ASIC2: variants seen among roughly 807,000 people sequenced by gnomAD.
The protein encoded by ASIC2 is acid sensing ion channel subunit 2, also known as acid-sensing ion channel 2.
In ASIC2, 25 loss-of-function variants were observed where a neutral mutation model predicts 57.3. The observed-to-expected ratio is 0.44, with a 90% confidence interval of 0.32 to 0.61. The LOEUF (loss-of-function observed/expected upper bound fraction) is 0.61. Ranked by LOEUF, ASIC2 falls within the 20% of genes least tolerant of loss-of-function variation. The pLI is 0.06. For synonymous variants in ASIC2, 319 were observed against 307.5 expected (o/e 1.04, Z -0.39); for missense variants, 641 against 738.1 (o/e 0.87, Z 1.52).
intron 1 of ASIC2, among the ~76,000 whole-genome samples, chr17:33,940,109 T>C (rs573214933): frequency 1.6e-4 from 25 of 152,316 alleles, no homozygotes; most frequent in African/African-American, 5.3e-4. Context: ...AGGTAAGCCA[T>C]TGTCCAAGGT....
intron 1 of ASIC2, among the ~76,000 whole-genome samples, chr17:33,510,514 G>A (rs975596586): frequency 3.9e-5 from 6 of 151,940 alleles, no homozygotes; most frequent in African/African-American, 9.7e-5. Flanking sequence ...GTGTGGTGGT[G>A]CATGCCACAC....
intron 1 of ASIC2, among the ~76,000 whole-genome samples, chr17:33,177,320 C>A (rs1159364822): frequency 6.6e-6 from 1 of 152,118 alleles, no homozygotes; most frequent in East Asian, 1.9e-4. Context: ...AAGAGGAGCT[C>A]CTATATTACT....
chr17:33,650,618 A>G (rs750258976), intron 1 of ASIC2, among the ~76,000 whole-genome samples: 6 of 152,242 alleles, frequency 3.9e-5, no homozygotes, highest in Non-Finnish European at 8.8e-5. Flanking sequence ...TGGTATCTCC[A>G]TATTATAAAA....
chr17:33,779,054 C>G (rs539783395), intron 1 of ASIC2, among the ~76,000 whole-genome samples: 1 of 152,278 alleles, frequency 6.6e-6, no homozygotes, highest in African/African-American at 2.4e-5. Flanking sequence ...AAATCTGTTT[C>G]ATTGAGTCAA....
chr17:34,020,811 C>A (rs1907132095), intron 1 of ASIC2, among the ~76,000 whole-genome samples: 1 of 152,278 alleles, frequency 6.6e-6, no homozygotes, highest in Non-Finnish European at 1.5e-5. Flanking sequence ...ATCCTGAAAC[C>A]CTTACTGGAG....
At chr17:33,959,321 T>C (rs1460237782) in intron 1 of ASIC2, among the ~76,000 whole-genome samples, 1 of 152,186 alleles carries the variant, frequency 6.6e-6, no homozygotes, top group African/African-American at 2.4e-5. Context: ...CTACTCCTGG[T>C]ACCAATTTAC....
intron 1 of ASIC2, among the ~76,000 whole-genome samples, chr17:33,239,262 G>A (rs1045576574): frequency 3.9e-5 from 6 of 152,064 alleles, no homozygotes; most frequent in Non-Finnish European, 5.9e-5. Context: ...CTGCACTCCA[G>A]CCTGGGCAAC....
rs904802959 is a variant in ASIC2, at chr17:33,347,891, C to T, written c.556-235824G>A. ...CCGAGATGGGTGGATCACTTGAGGC[C>T]GGGAGTTCAAGACCAGCCTGGCCAA... On this transcript the variant is annotated intron_variant, in intron 1 of 9. Transcript: ENST00000359872. Among the ~76,000 whole-genome samples the T allele has an allele frequency of 6.6e-5, 10 of 152,152 alleles. No homozygotes were observed. The East Asian group carries it at 7.7e-4, about 12-fold the overall frequency.
intron 1 of ASIC2, among the ~76,000 whole-genome samples, chr17:33,376,191 G>T (rs368936052): frequency 3.3e-5 from 5 of 152,238 alleles, no homozygotes; most frequent in African/African-American, 1.2e-4. Context: ...GAATCAATAT[G>T]ATTGAGAAGG....
chr17:33,899,506 T>C (rs1290993928), intron 1 of ASIC2, among the ~76,000 whole-genome samples: 1 of 152,116 alleles, frequency 6.6e-6, no homozygotes, highest in Non-Finnish European at 1.5e-5. Flanking sequence ...AGAGGCACTA[T>C]ACCTGAGCAA....
chr17:33,572,969 T>C (rs1916499502), intron 1 of ASIC2, among the ~76,000 whole-genome samples: 1 of 152,242 alleles, frequency 6.6e-6, no homozygotes, highest in Admixed American at 6.5e-5. Context: ...GCCTATCATA[T>C]TTTGGAGTTG....
chr17:34,047,350 A>T (rs1280943092), intron 1 of ASIC2, among the ~76,000 whole-genome samples: 1 of 152,024 alleles, frequency 6.6e-6, no homozygotes, highest in African/African-American at 2.4e-5. Context: ...CTACCGTGAC[A>T]TTCACCATAA....
intron 1 of ASIC2, among the ~76,000 whole-genome samples, chr17:33,826,452 G>A (rs1220398224): frequency 2.0e-5 from 3 of 152,152 alleles, no homozygotes; most frequent in East Asian, 1.9e-4. Flanking sequence ...GCGAGGTCCC[G>A]TGATCTCAGA....
At chr17:33,787,618 T>C (rs764764596) in intron 1 of ASIC2, among the ~76,000 whole-genome samples, 5 of 152,152 alleles carry the variant, frequency 3.3e-5, no homozygotes, top group Non-Finnish European at 7.4e-5. Context: ...GCCCTCAAAA[T>C]ATGTCCCAGC....
intron 1 of ASIC2, among the ~76,000 whole-genome samples, chr17:34,017,936 G>A (rs1907026635): frequency 6.6e-6 from 1 of 152,192 alleles, no homozygotes; most frequent in African/African-American, 2.4e-5. Context: ...TGGAAGTTGT[G>A]GCTAGTTATT....
intron 1 of ASIC2, among the ~76,000 whole-genome samples, chr17:33,678,435 C>A (rs1033679929): frequency 1.2e-4 from 17 of 139,504 alleles, no homozygotes; most frequent in Non-Finnish European, 1.9e-4. Flanking sequence ...CTGGTTCAAT[C>A]CACACACACA....
At chr17:33,967,898 A>C (rs1905119364) in intron 1 of ASIC2, among the ~76,000 whole-genome samples, 1 of 152,088 alleles carries the variant, frequency 6.6e-6, no homozygotes, top group Admixed American at 6.5e-5. Flanking sequence ...CTCTGCTCTC[A>C]CTGTGTGGAA....
intron 1 of ASIC2, among the ~76,000 whole-genome samples, chr17:33,805,264 A>C (rs1303601857): frequency 6.6e-6 from 1 of 152,196 alleles, no homozygotes; most frequent in Non-Finnish European, 1.5e-5. Flanking sequence ...GAACCTCTGC[A>C]GATGGTAGGT....
At chr17:33,899,114 C>T (rs550654934) in intron 1 of ASIC2, among the ~76,000 whole-genome samples, 7 of 141,330 alleles carry the variant, frequency 5.0e-5, no homozygotes, top group African/African-American at 1.3e-4. Context: ...GGCGACAGAG[C>T]GAGACTCCAT....
Sources: gnomAD v4.1 joint callset for allele counts (sites outside exome capture counted in the v4.1 genomes callset) on GRCh38, gnomAD v4.1.1 for gene constraint, MANE v1.5 for transcripts, NCBI Gene and HGNC (gene_info 2026-07-23, HGNC 2026-07-21) for gene names.